ZNF256: variants seen among roughly 807,000 people sequenced by gnomAD.
The protein encoded by ZNF256 is bone marrow zinc finger 3.
In ZNF256, 4 loss-of-function variants were observed where a neutral mutation model predicts 7.9. The observed-to-expected ratio is 0.50, with a 90% confidence interval of 0.25 to 1.15. The LOEUF (loss-of-function observed/expected upper bound fraction) is 1.15. Ranked by LOEUF, ZNF256 falls within the 50% of genes most tolerant of loss-of-function variation. The pLI is 0.15. For synonymous variants in ZNF256, 260 were observed against 260.4 expected (o/e 1.00, Z 0.02); for missense variants, 666 against 755.9 (o/e 0.88, Z 1.39).
chr19:57,942,840 G>A (rs1006173004), intron 2 of ZNF256, among the ~76,000 whole-genome samples, 193 bp from the exon 3 acceptor site: 2 of 152,164 alleles, frequency 1.3e-5, no homozygotes, highest in Non-Finnish European at 2.9e-5. Flanking sequence ...AACTGGGAAG[G>A]GCTCATGAGT....
rs570862899 is a variant in ZNF256 at position 57,945,179 on chromosome 19, G to A, written c.34-1119C>T. On this transcript the variant is annotated intron_variant, in intron 1 of 2. Coordinates refer to ENST00000282308, the MANE Select transcript of ZNF256 (RefSeq NM_005773.3). ...CAAAGTGCTGGGATTACAGGCGTGA[G>A]CCACCACGCCTGGCTGAACAGCTTA... Among the ~76,000 whole-genome samples the A allele has an allele frequency of 3.3e-5, 5 of 152,278 alleles. No individual in the cohort carries two copies. In the East Asian group the frequency reaches 7.8e-4, roughly 24 times the overall value.
rs1259396411 is a variant in ZNF256 at position 57,941,184 on chromosome 19, T to C, written c.1624A>G (p.Thr542Ala). The C allele has an allele frequency of 6.2e-7, 1 of 1,614,224 alleles. No homozygotes were observed. The highest frequency in any genetic ancestry group is 2.2e-5 in the East Asian group (1 of 44,878). ...SSLIRHRRSHTGERPYECSEC... is the reference protein window; with the variant it reads ...SSLIRHRRSHAGERPYECSEC... ...CTGCACTCATAAGGCCTTTCTCCGG[T>C]GTGACTTCTCCTATGTCTAATGAGG... The change falls in exon 3 of 3, where the codon ACC (threonine) becomes GCC (alanine). Residue 542 changes from threonine (T) to alanine (A), a missense_variant. Physicochemically the swap from Thr to Ala is moderately conservative, Grantham distance 58. Coordinates refer to ENST00000282308, the MANE Select transcript of ZNF256 (RefSeq NM_005773.3).
In ZNF256 at chr19:57,941,001, A is replaced by T; in HGVS notation, c.1807T>A (p.Tyr603Asn). The change falls in exon 3 of 3, where the codon TAT becomes AAT. Residue 603 changes from tyrosine (Y) to asparagine (N), a missense_variant. Tyr to Asn is a moderately radical substitution (Grantham distance 143, BLOSUM62 -2). Transcript: ENST00000282308. ...HQRIHSGERP[Y>N]ECSDCGKFFT... ...AATTTTCCACAGTCACTACACTCAT[A>T]AGGCCTTTCCCCACTGTGAATTCGC... The T allele has an allele frequency of 6.2e-7, 1 of 1,614,190 alleles. No individual in the cohort carries two copies. Among genetic ancestry groups the T allele is most frequent in the Non-Finnish European group, 8.5e-7 (1 of 1,180,026 alleles).
intron 1 of ZNF256, among the ~76,000 whole-genome samples, 186 bp from the exon 2 acceptor site, chr19:57,944,246 A>T (rs1347673949): frequency 1.3e-5 from 2 of 152,206 alleles, no homozygotes; most frequent in Admixed American, 6.5e-5. Flanking sequence ...GGTTGCAGCC[A>T]TCAGTAACAA....
At position 57,947,594 on chromosome 19, in the gene ZNF256, G is replaced by A. The variant is rs1351121868; in HGVS notation, c.-120C>T. Reference sequence around the variant, plus strand: ...GTGCAGCGGGGAAGACTCCTCTCGCGCCTTCTCAGTCAGTCACGGATGATG... The same window carrying A: ...GTGCAGCGGGGAAGACTCCTCTCGCACCTTCTCAGTCAGTCACGGATGATG... On this transcript the variant is annotated 5_prime_UTR_variant, in exon 1 of 3. Coordinates refer to ENST00000282308, the MANE Select transcript of ZNF256 (RefSeq NM_005773.3). 11 of 999,398 alleles carry A rather than the reference G, an allele frequency of 1.1e-5. No individual in the cohort carries two copies. The highest frequency in any genetic ancestry group is 1.4e-5 in the Non-Finnish European group (11 of 761,080). 61.9% of individuals were successfully genotyped at this position (999,398 alleles called of 1,614,324 possible).
In ZNF256 at chr19:57,943,915, G is replaced by T; in HGVS notation, c.160+19C>A. The T allele has an allele frequency of 6.2e-7, 1 of 1,613,198 alleles. No homozygotes were observed. Among genetic ancestry groups the T allele is most frequent in the Non-Finnish European group, 8.5e-7 (1 of 1,179,524 alleles). On this transcript the variant is annotated intron_variant, in intron 2 of 2. Transcript: ENST00000282308. ...GCAAAGGCTAGCTCGGGGCATAGAGGTGGGTGTGAGGACCTTACCCAGGGA... is the reference window on the plus strand; with the variant it reads ...GCAAAGGCTAGCTCGGGGCATAGAGTTGGGTGTGAGGACCTTACCCAGGGA...
chr19:57,942,335 CT>C lies in ZNF256; in HGVS notation c.472del (p.Ser158AlafsTer22), dbSNP rs753637688. ...CTTCCCAGATACTTCAAATGTGCAGCTGCTCAAAAACATGTCTCTGCCCCCA... is the reference window on the plus strand; with the variant it reads ...CTTCCCAGATACTTCAAATGTGCAGCGCTCAAAAACATGTCTCTGCCCCCA... ...SNGGRDMFLSSCTFEVSGKPF... is the reference protein window; with the variant it reads ...SNGGRDMFLSXCTFEVSGKPF... On this transcript the variant is annotated frameshift_variant, in exon 3 of 3. Coordinates refer to ENST00000282308, the MANE Select transcript of ZNF256 (RefSeq NM_005773.3). LOFTEE classifies it low-confidence loss of function (END_TRUNC). 6.2e-7 allele frequency: 1 copy of C among 1,614,110 alleles called. No individual in the cohort carries two copies. The highest frequency in any genetic ancestry group is 1.3e-5 in the African/African-American group (1 of 74,938).
chr19:57,942,643 A>G lies in ZNF256; in HGVS notation c.165T>C (p.Gly55=), dbSNP rs1334739896. 7 of 1,611,292 alleles carry G rather than the reference A, an allele frequency of 4.3e-6. No homozygotes were observed. Among genetic ancestry groups the G allele is most frequent in the Non-Finnish European group, 5.9e-6 (7 of 1,178,138 alleles). The change falls in exon 3 of 3, where the codon GGT becomes GGC. Residue 55 remains glycine, a synonymous_variant. Transcript: ENST00000282308. ...ENLTLTTSLG[G]SGAGDEEAPY... ...GTGCCTCCTCATCCCCTGCTCCAGAACCACCTGAAAGAAAGAAAATGCTGG... is the reference window on the plus strand; with the variant it reads ...GTGCCTCCTCATCCCCTGCTCCAGAGCCACCTGAAAGAAAGAAAATGCTGG...
chr19:57,943,771 G>A (rs1396168157), intron 2 of ZNF256, among the ~76,000 whole-genome samples, 163 bp downstream of exon 2: 1 of 152,176 alleles, frequency 6.6e-6, no homozygotes, highest in Non-Finnish European at 1.5e-5. Flanking sequence ...GCTTGCTCAA[G>A]GAGAAAAGCA....
Position 57,947,482 on chromosome 19 carries a change from T to C in ZNF256, c.-8A>G, listed in dbSNP as rs2113108. ...CAGCTCGGCCGCCGCCATCTGACTC[T>C]GTGAGCGGAGCGGGGCCAGAGAGGA... On this transcript the variant is annotated 5_prime_UTR_variant, in exon 1 of 3. Transcript: ENST00000282308. The C allele has an allele frequency of 4.7e-3, 5,826 of 1,249,096 alleles. 232 individuals carry two copies. The African/African-American group carries it at 0.081, about 17-fold the overall frequency. 77.4% of individuals were successfully genotyped at this position (1,249,096 alleles called of 1,614,324 possible). A position where few individuals can be genotyped will look rare whatever the true frequency, so the allele number is the denominator to read the frequency against.
Position 57,942,114 on chromosome 19 carries a change from C to T in ZNF256, c.694G>A (p.Asp232Asn), listed in dbSNP as rs777092815. The T allele has an allele frequency of 1.2e-6, 2 of 1,614,236 alleles. No individual in the cohort carries two copies. Among genetic ancestry groups the T allele is most frequent in the South Asian group, 2.2e-5 (2 of 91,082 alleles). ...YKHVRVQHQG[D>N]LIRERSYMCS... ...ATGTAAGATCTTTCCCTAATGAGGTCTCCCTGGTGCTGAACACGTACATGT... is the reference window on the plus strand; with the variant it reads ...ATGTAAGATCTTTCCCTAATGAGGTTTCCCTGGTGCTGAACACGTACATGT... The change falls in exon 3 of 3, where the codon GAC becomes AAC. Residue 232 changes from aspartate to asparagine, a missense_variant. Physicochemically the swap from Asp to Asn is conservative, Grantham distance 23. Coordinates refer to ENST00000282308, the MANE Select transcript of ZNF256 (RefSeq NM_005773.3).
intron 2 of ZNF256, 72 bp downstream of exon 2, chr19:57,943,862 C>G: frequency 6.4e-7 from 1 of 1,568,940 alleles, no homozygotes; most frequent in Non-Finnish European, 8.6e-7. Flanking sequence ...CTTGTGAAGA[C>G]ACATCTGACT....
chr19:57,941,832 T>G lies in ZNF256; in HGVS notation c.976A>C (p.Ser326Arg). ...VHTGERPYKC[S>R]ECGKSFSHSS... ...TGGCTAAAGGATTTCCCACATTCACTGCACTTGTAAGGCCTTTCTCCAGTA... is the reference window on the plus strand; with the variant it reads ...TGGCTAAAGGATTTCCCACATTCACGGCACTTGTAAGGCCTTTCTCCAGTA... The change falls in exon 3 of 3, where the codon AGT becomes CGT. Residue 326 changes from serine (S) to arginine (R), a missense_variant. Coordinates refer to ENST00000282308, the MANE Select transcript of ZNF256 (RefSeq NM_005773.3). 1 of 1,614,192 alleles carries G rather than the reference T, an allele frequency of 6.2e-7. No homozygotes were observed. Among genetic ancestry groups the G allele is most frequent in the Non-Finnish European group, 8.5e-7 (1 of 1,180,020 alleles).
chr19:57,947,297 C>T, intron 1 of ZNF256, 145 bp downstream of exon 1: 1 of 844,472 alleles, frequency 1.2e-6, no homozygotes, highest in Admixed American at 4.3e-5. Flanking sequence ...CCTCCCTTCC[C>T]TAGCACACCA....
rs758572152 is a variant in ZNF256 at position 57,942,034 on chromosome 19, C to A, written c.774G>T (p.Leu258Phe). The change falls in exon 3 of 3, where the codon TTG (leucine) becomes TTT (phenylalanine). Residue 258 changes from leucine (L) to phenylalanine (F), a missense_variant. By Grantham distance (22) the Leu-to-Phe change is conservative. Coordinates refer to ENST00000282308, the MANE Select transcript of ZNF256 (RefSeq NM_005773.3). ...FSTSCSLSDHLRVHTSEKPYT... is the reference protein window; with the variant it reads ...FSTSCSLSDHFRVHTSEKPYT... Reference sequence around the variant, plus strand: ...AAGGCTTTTCTGAAGTGTGAACTCTCAAATGATCACTGAGGCTACAGCTTG... The same window carrying A: ...AAGGCTTTTCTGAAGTGTGAACTCTAAAATGATCACTGAGGCTACAGCTTG... 6.2e-7 allele frequency: 1 copy of A among 1,614,100 alleles called. No homozygotes were observed. The highest frequency in any genetic ancestry group is 8.5e-7 in the Non-Finnish European group (1 of 1,180,054).
In ZNF256 at chr19:57,947,506, G is replaced by A. The variant is rs1215339155; in HGVS notation, c.-32C>T. 4.0e-6 allele frequency: 5 copies of A among 1,249,030 alleles called. No individual in the cohort carries two copies. The highest frequency in any genetic ancestry group is 5.1e-6 in the Non-Finnish European group (5 of 988,546). 77.4% of individuals were successfully genotyped at this position (1,249,030 alleles called of 1,614,324 possible). The stretch of plus-strand genomic sequence containing the variant: ...CTGTGAGCGGAGCGGGGCCAGAGAG[G>A]ATGTCCTTATTCCGGGCCGGGCCTG... On this transcript the variant is annotated 5_prime_UTR_variant, in exon 1 of 3. Coordinates refer to ENST00000282308, the MANE Select transcript of ZNF256 (RefSeq NM_005773.3).
chr19:57,941,858 T>G lies in ZNF256; in HGVS notation c.950A>C (p.His317Pro), dbSNP rs1179861306. The change falls in exon 3 of 3, where the codon CAT becomes CCT. Residue 317 changes from histidine to proline, a missense_variant. Physicochemically the swap from His to Pro is moderately conservative, Grantham distance 77. Coordinates refer to ENST00000282308, the MANE Select transcript of ZNF256 (RefSeq NM_005773.3). ...GCACTTGTAAGGCCTTTCTCCAGTA[T>G]GAACTCTCTGATGTATAAGAAGGTC... Reference protein sequence around the residue: ...KYDLLIHQRVHTGERPYKCSE... With the variant: ...KYDLLIHQRVPTGERPYKCSE... 24 of 1,614,048 alleles carry G rather than the reference T, an allele frequency of 1.5e-5. No individual in the cohort carries two copies. The highest frequency in any genetic ancestry group is 1.8e-5 in the Non-Finnish European group (21 of 1,180,038).
intron 1 of ZNF256, among the ~76,000 whole-genome samples, chr19:57,946,331 A>C (rs1168314054): frequency 6.6e-6 from 1 of 152,132 alleles, no homozygotes; most frequent in Non-Finnish European, 1.5e-5. Context: ...TAGGCTCTGA[A>C]AGATCTGACT....
At position 57,941,213 on chromosome 19, in the gene ZNF256, G is replaced by A; in HGVS notation, c.1595C>T (p.Ser532Phe). 1 of 1,613,752 alleles carries A rather than the reference G, an allele frequency of 6.2e-7. No homozygotes were observed. The highest frequency in any genetic ancestry group is 1.1e-5 in the South Asian group (1 of 91,078). Residue 532 changes from serine (S) to phenylalanine (F), a missense_variant, in exon 3 of 3, where the codon TCC becomes TTC. Ser to Phe is a radical substitution (Grantham distance 155). Coordinates refer to ENST00000282308, the MANE Select transcript of ZNF256 (RefSeq NM_005773.3). Reference protein sequence around the residue: ...NECGKFFSQSSSLIRHRRSHT... With the variant: ...NECGKFFSQSFSLIRHRRSHT... ...ACTTCTCCTATGTCTAATGAGGCTG[G>A]AGCTCTGGCTAAAAAACTTCCCACA...
Sources: gnomAD v4.1 joint callset for allele counts (sites outside exome capture counted in the v4.1 genomes callset) on GRCh38, gnomAD v4.1.1 for gene constraint, MANE v1.5 for transcripts, NCBI Gene and HGNC (gene_info 2026-07-23, HGNC 2026-07-21) for gene names.